The following GRHL3 variants were observed in gnomAD, a reference collection of about 807,000 sequenced individuals.
GRHL3 encodes grainyhead like transcription factor 3, also known as grainyhead-like protein 3 homolog.
GRHL3 carries 20 observed loss-of-function variants against 70.3 expected under a neutral mutation model. The observed-to-expected ratio is 0.28, with a 90% CI of 0.20 to 0.41. The LOEUF (loss-of-function observed/expected upper bound fraction) is 0.41. Ranked by LOEUF, GRHL3 falls within the 10% of genes least tolerant of loss-of-function variation. The pLI is 1.00. For missense variants in GRHL3, 637 were observed against 762.3 expected (o/e 0.84, Z 1.94); for synonymous variants, 299 against 299.9 (o/e 1.00, Z 0.03).
intron 15 of GRHL3, among the ~76,000 whole-genome samples, chr1:24,352,055 T>A (rs939883946): frequency 6.6e-6 from 1 of 152,068 alleles, no homozygotes; most frequent in African/African-American, 2.4e-5. Flanking sequence ...CTGGCCAGTT[T>A]ATTTGCCCAG....
chr1:24,335,188 T>C (rs1280746466), intron 3 of GRHL3, among the ~76,000 whole-genome samples: 1 of 152,078 alleles, frequency 6.6e-6, no homozygotes, highest in Admixed American at 6.5e-5. Flanking sequence ...CCCTCTCCCC[T>C]GAAGACCCAC....
At chr1:24,339,574 C>G in intron 7 of GRHL3, 94 bp from the exon 8 acceptor site, 1 of 795,378 alleles carries the variant, frequency 1.3e-6, no homozygotes, top group Non-Finnish European at 2.1e-6. Flanking sequence ...AAACCACGCC[C>G]GGCCGAGTGA....
intron 3 of GRHL3, 121 bp from the exon 4 acceptor site, chr1:24,336,361 T>C: frequency 1.5e-6 from 1 of 658,092 alleles, no homozygotes. Context: ...TCGTGCATGC[T>C]GGATGGACCT....
Position 24,328,435 on chromosome 1 carries a change from G to A in GRHL3, c.18-2991G>A, listed in dbSNP as rs184811803. 5.3e-3 allele frequency among the ~76,000 whole-genome samples: 802 copies of A among 152,350 alleles called. 2 individuals carry two copies. The highest frequency in any genetic ancestry group is 9.2e-3 in the Non-Finnish European group (624 of 68,028). ...AAGTACAGAAGCTGCTGTTTATCAA[G>A]GAATCAGACTTTGGGATACCAACAA... On this transcript the variant is annotated intron_variant, in intron 1 of 15. Coordinates refer to ENST00000361548, the MANE Select transcript of GRHL3 (RefSeq NM_198173.3).
intron 1 of GRHL3, among the ~76,000 whole-genome samples, chr1:24,325,884 C>G (rs958613491): frequency 6.6e-6 from 1 of 152,200 alleles, no homozygotes; most frequent in Admixed American, 6.5e-5. Context: ...AGAAGCCAGA[C>G]GGGGAGACTC....
intron 1 of GRHL3, among the ~76,000 whole-genome samples, chr1:24,327,699 G>A (rs959610575): frequency 4.6e-5 from 7 of 152,154 alleles, no homozygotes; most frequent in Non-Finnish European, 8.8e-5. Flanking sequence ...CTCATAGGTT[G>A]GGAGTCCCCT....
At chr1:24,336,036 ATCCT>A (rs975888845) in intron 3 of GRHL3, among the ~76,000 whole-genome samples, 1 of 152,166 alleles carries the variant, frequency 6.6e-6, no homozygotes, top group Non-Finnish European at 1.5e-5. Context: ...TTTGGGGTAC[ATCCT>A]TCCAGATCTT....
intron 15 of GRHL3, among the ~76,000 whole-genome samples, chr1:24,352,320 G>C (rs1192394240): frequency 6.6e-6 from 1 of 152,206 alleles, no homozygotes; most frequent in East Asian, 1.9e-4. Context: ...AAGGTGGATA[G>C]AGTCAGCTTT....
chr1:24,328,894 T>C (rs557811), intron 1 of GRHL3, among the ~76,000 whole-genome samples: 108,206 of 152,146 alleles, frequency 0.71, 39,138 homozygotes, highest in African/African-American at 0.86. Context: ...TCCCTGTTGA[T>C]CCAGGGGGTG....
chr1:24,358,569 C>A, downstream of GRHL3: 1 of 1,614,122 alleles, frequency 6.2e-7, no homozygotes, highest in Non-Finnish European at 8.5e-7. Flanking sequence ...CATTTCTTGT[C>A]CTCGTTGTAG....
intron 15 of GRHL3, among the ~76,000 whole-genome samples, chr1:24,352,933 G>A (rs1371286048): frequency 6.6e-6 from 1 of 152,322 alleles, no homozygotes; most frequent in African/African-American, 2.4e-5. Flanking sequence ...CTGGATGTGG[G>A]CCATGCCTTC....
intron 1 of GRHL3, among the ~76,000 whole-genome samples, chr1:24,329,647 C>T (rs1293877453): frequency 6.6e-6 from 1 of 152,182 alleles, no homozygotes; most frequent in Non-Finnish European, 1.5e-5. Context: ...TTGTAGTGTC[C>T]TTGTAAGAAG....
chr1:24,352,612 T>C (rs1475509950), intron 15 of GRHL3, among the ~76,000 whole-genome samples: 1 of 152,152 alleles, frequency 6.6e-6, no homozygotes, highest in Non-Finnish European at 1.5e-5. Context: ...AAGGCCCTGC[T>C]AGGGAGTGGG....
intron 3 of GRHL3, among the ~76,000 whole-genome samples, chr1:24,335,366 G>A (rs72878815): frequency 2.0e-5 from 3 of 152,170 alleles, no homozygotes; most frequent in African/African-American, 7.2e-5. Flanking sequence ...GCACTGGAAA[G>A]ACCTTGTCCC....
chr1:24,319,999 C>A, intron 1 of GRHL3: 1 of 247,942 alleles, frequency 4.0e-6, no homozygotes, highest in South Asian at 5.6e-5. Context: ...GACTTGTTTG[C>A]TGGGTTGGAA....
chr1:24,320,403 A>T (rs1639135900), intron 1 of GRHL3, among the ~76,000 whole-genome samples: 3 of 152,142 alleles, frequency 2.0e-5, no homozygotes, highest in Admixed American at 2.0e-4. Flanking sequence ...ACTGATGCTG[A>T]TCTTCACCAT....
downstream of GRHL3, among the ~76,000 whole-genome samples, chr1:24,360,265 C>T (rs994375722): frequency 3.9e-5 from 6 of 152,100 alleles, no homozygotes; most frequent in African/African-American, 1.2e-4. Context: ...GCCAACATAG[C>T]GAACCCCTGT....
At chr1:24,352,043 G>A (rs1376795485) in intron 15 of GRHL3, among the ~76,000 whole-genome samples, 1 of 152,100 alleles carries the variant, frequency 6.6e-6, no homozygotes, top group Non-Finnish European at 1.5e-5. Flanking sequence ...GATGCAGCCA[G>A]GCTGGCCAGT....
At position 24,337,625 on chromosome 1, in the gene GRHL3, C is replaced by T. The variant is rs1639873269; in HGVS notation, c.687-11C>T. 1 of 1,613,834 alleles carries T rather than the reference C, an allele frequency of 6.2e-7. No individual in the cohort carries two copies. ...AGCCCAGCCTCACTGTCCTCTCCCT[C>T]CTCCCTGCAGTGACTTTGAATACAC... On this transcript the variant is annotated splice_polypyrimidine_tract_variant and intron_variant, in intron 5 of 15. Transcript: ENST00000361548.
Sources: gnomAD v4.1 joint callset for allele counts (sites outside exome capture counted in the v4.1 genomes callset) on GRCh38, gnomAD v4.1.1 for gene constraint, MANE v1.5 for transcripts, NCBI Gene and HGNC (gene_info 2026-07-23, HGNC 2026-07-21) for gene names.